Variants in UNKL observed in about 807,000 individuals in gnomAD.
The protein encoded by UNKL is unk like zinc finger.
UNKL carries 60 observed loss-of-function variants against 78.0 expected under a neutral mutation model. The ratio of observed to expected loss-of-function variants is 0.77; its 90% confidence interval spans 0.63 to 0.95. UNKL has a LOEUF of 0.95. Ranked by LOEUF, UNKL falls within the 40% of genes least tolerant of loss-of-function variation. The pLI is 0.00. For synonymous variants in UNKL, 608 were observed against 474.8 expected, an observed-to-expected ratio of 1.28 and a Z score of -3.65; for missense variants, 1,159 against 1,045.7, an observed-to-expected ratio of 1.11 and a Z score of -1.49.
At chr16:1,380,081 C>G (rs2036540820) in intron 10 of UNKL, among the ~76,000 whole-genome samples, 1 of 152,242 alleles carries the variant, frequency 6.6e-6, no homozygotes, top group Admixed American at 6.5e-5. Context: ...CCAGCCCCAT[C>G]TAAACGCGGG....
chr16:1,394,043 G>T, intron 7 of UNKL, 88 bp downstream of exon 7: 1 of 1,381,238 alleles, frequency 7.2e-7, no homozygotes, highest in Non-Finnish European at 1.0e-6. Context: ...GTCCTCGTGG[G>T]CAGCTCCGGG....
At chr16:1,383,184 T>C (rs552464551) in intron 10 of UNKL, among the ~76,000 whole-genome samples, 25 of 145,456 alleles carry the variant, frequency 1.7e-4, no homozygotes, top group East Asian at 4.0e-4. Flanking sequence ...AGACAGGAGA[T>C]TGGCGTGAAG....
intron 5 of UNKL, chr16:1,398,964 A>G (rs1224847555): frequency 1.3e-6 from 2 of 1,516,692 alleles, no homozygotes; most frequent in Non-Finnish European, 1.8e-6. Flanking sequence ...GATTGAGCCC[A>G]GGTGACGACA....
chr16:1,367,013 C>A, intron 14 of UNKL, 79 bp downstream of exon 14: 1 of 1,443,792 alleles, frequency 6.9e-7, no homozygotes, highest in Non-Finnish European at 9.1e-7. Context: ...GGACACCGCA[C>A]CAGCCAGGGC....
At chr16:1,383,979 C>T (rs1324393114) in intron 10 of UNKL, 2 of 230,432 alleles carry the variant, frequency 8.7e-6, no homozygotes, top group African/African-American at 2.2e-5. Flanking sequence ...CAGGGCCCGG[C>T]CTCACTGTAC....
intron 2 of UNKL, among the ~76,000 whole-genome samples, chr16:1,405,677 T>G (rs1181652274): frequency 1.3e-5 from 2 of 151,646 alleles, no homozygotes; most frequent in Non-Finnish European, 2.9e-5. Flanking sequence ...ACAGAGCCAT[T>G]GCTCACGGAT....
intron 2 of UNKL, among the ~76,000 whole-genome samples, chr16:1,410,393 AG>A (rs1384189915): frequency 1.3e-5 from 2 of 152,238 alleles, no homozygotes; most frequent in African/African-American, 4.8e-5. Flanking sequence ...GGATCACCTG[AG>A]GTCAGGAGTT....
chr16:1,407,590 G>A (rs1470748158), intron 2 of UNKL, among the ~76,000 whole-genome samples: 1 of 151,988 alleles, frequency 6.6e-6, no homozygotes, highest in Non-Finnish European at 1.5e-5. Flanking sequence ...CAGCTACTTT[G>A]GAGGCTGAGG....
chr16:1,370,017 A>T, intron 12 of UNKL, 113 bp downstream of exon 12: 1 of 1,551,262 alleles, frequency 6.4e-7, no homozygotes, highest in Admixed American at 2.0e-5. Flanking sequence ...GTGGTTTGCC[A>T]CCACAGATAG....
chr16:1,397,521 CG>C, intron 5 of UNKL, among the ~76,000 whole-genome samples: 1 of 52,074 alleles, frequency 1.9e-5, no homozygotes, highest in African/African-American at 8.0e-5. Flanking sequence ...TCCCCCACCC[CG>C]ACCCCCGTGC....
At chr16:1,395,727 G>A (rs770728124) in intron 6 of UNKL, 1 of 456,644 alleles carries the variant, frequency 2.2e-6, no homozygotes, top group South Asian at 1.5e-5. Context: ...GCTCCACTCA[G>A]CTGGGTACCA....
At chr16:1,391,171 A>G (rs1325766735) in intron 8 of UNKL, among the ~76,000 whole-genome samples, 1 of 147,750 alleles carries the variant, frequency 6.8e-6, no homozygotes, top group East Asian at 1.9e-4. Flanking sequence ...ACACACACAC[A>G]CACACACACA....
intron 5 of UNKL, chr16:1,398,789 A>G: frequency 6.5e-7 from 1 of 1,540,218 alleles, no homozygotes; most frequent in Non-Finnish European, 8.7e-7. Context: ...TTCAGAGGCA[A>G]GCAGGCTGCG....
chr16:1,396,739 G>A lies in UNKL; in HGVS notation c.852+439C>T, dbSNP rs1194447358. ...CTCCTGAGTAGCTGGGACTACAGAC[G>A]CCCGCCACCACGCCTGGCTGATTTT... is the stretch of plus-strand genomic sequence containing the variant. On this transcript the variant is annotated intron_variant, in intron 6 of 14. Transcript: ENST00000389221. 5.9e-5 allele frequency among the ~76,000 whole-genome samples: 9 copies of A among 152,122 alleles called. No individual in the cohort carries two copies. The East Asian group carries it at 1.4e-3, about 23-fold the overall frequency.
rs750348181 is a variant in UNKL at position 1,366,390 on chromosome 16, G to A, written c.2052C>T (p.Ile684=). Residue 684 remains isoleucine, a synonymous_variant, in exon 15 of 15, where the codon ATC becomes ATT. Transcript: ENST00000389221. The stretch of plus-strand genomic sequence containing the variant: ...CACACTGCTTGGCGCGGAGCTGGAA[G>A]ATCACCTGCAGGGCCAGAACAATGA... ...RLDLEAVDGV[I]FQLRAKQCVA... 1.5e-5 allele frequency: 24 copies of A among 1,589,558 alleles called. No homozygotes were observed. The highest frequency in any genetic ancestry group is 2.1e-5 in the Non-Finnish European group (24 of 1,165,116).
intron 10 of UNKL, among the ~76,000 whole-genome samples, chr16:1,377,456 GCCCT>G (rs1462652612): frequency 1.3e-5 from 2 of 151,938 alleles, no homozygotes; most frequent in African/African-American, 4.8e-5. Flanking sequence ...GCTGTGCACA[GCCCT>G]CCCTCCCTGA....
At chr16:1,404,896 T>G (rs1397751078) in intron 2 of UNKL, among the ~76,000 whole-genome samples, 1 of 152,120 alleles carries the variant, frequency 6.6e-6, no homozygotes, top group Non-Finnish European at 1.5e-5. Context: ...GGGGTATTTT[T>G]CAGACTTAGA....
intron 5 of UNKL, chr16:1,398,681 A>AGCCCCCCCCC: frequency 2.9e-6 from 2 of 694,340 alleles, no homozygotes; most frequent in Middle Eastern, 6.3e-4. Flanking sequence ...TGGGGTCTGC[A>AGCCCCCCCCC]CCCCCCCACC....
At chr16:1,368,469 G>GC (rs2035493234) in intron 12 of UNKL, among the ~76,000 whole-genome samples, 1 of 151,970 alleles carries the variant, frequency 6.6e-6, no homozygotes, top group Admixed American at 6.6e-5. Context: ...AGGCGTGGTG[G>GC]CGGGCGCCTG....
Sources: gnomAD v4.1 joint callset for allele counts (sites outside exome capture counted in the v4.1 genomes callset) on GRCh38, gnomAD v4.1.1 for gene constraint, MANE v1.5 for transcripts, NCBI Gene and HGNC (gene_info 2026-07-23, HGNC 2026-07-21) for gene names.